Variants in FAM13A observed in about 807,000 individuals in gnomAD.
FAM13A encodes the protein protein FAM13A.
FAM13A carries 76 observed loss-of-function variants against 129.6 expected under a neutral mutation model. That is an observed-to-expected ratio of 0.59 (90% CI 0.49 to 0.71). FAM13A has a LOEUF of 0.71. Among genes scored for constraint, FAM13A ranks in the 30% least tolerant of loss-of-function variants. The pLI is 0.00. For synonymous variants in FAM13A, 443 were observed against 449.9 expected (o/e 0.98, Z 0.20); for missense variants, 1,108 against 1,249.3 (o/e 0.89, Z 1.70).
At chr4:88,901,234 C>T (rs762289814) in intron 6 of FAM13A, among the ~76,000 whole-genome samples, 81 of 152,040 alleles carry the variant, frequency 5.3e-4, no homozygotes, top group Non-Finnish European at 8.8e-4. Context: ...GACAGATCAT[C>T]GAGACAGAAA....
intron 13 of FAM13A, among the ~76,000 whole-genome samples, chr4:88,763,304 CAT>C (rs1745149602): frequency 1.3e-5 from 2 of 152,118 alleles, no homozygotes; most frequent in African/African-American, 4.8e-5. Flanking sequence ...TTCATTCATT[CAT>C]TCATACATTT....
intron 22 of FAM13A, 175 bp from the exon 23 acceptor site, chr4:88,731,603 A>T (rs1737810113): frequency 1.8e-6 from 1 of 553,570 alleles, no homozygotes; most frequent in African/African-American, 1.9e-5. Flanking sequence ...AAAGCCAAAC[A>T]TGCTGGCAAC....
chr4:88,938,211 T>G lies in FAM13A; in HGVS notation c.636A>C (p.Glu212Asp). The change falls in exon 5 of 24, where the codon GAA becomes GAC. Residue 212 changes from glutamate to aspartate, a missense_variant. Physicochemically the swap from Glu to Asp is conservative, Grantham distance 45. Around this residue, in one of 3 missense-constraint regions of FAM13A, gnomAD observed 566 missense variants for 595.7 expected, o/e 0.95. Coordinates refer to ENST00000264344, the MANE Select transcript of FAM13A (RefSeq NM_014883.4). ...CCATTATCTTGTTGCACAGGTCCTG[T>G]TCCTTCATGCCTTCAAGCCCAGGTG... is the stretch of plus-strand genomic sequence containing the variant. ...HVPPGLEGMK[E>D]QDLCNKIMAK... The G allele has an allele frequency of 6.2e-7, 1 of 1,611,378 alleles. No individual in the cohort carries two copies. The highest frequency in any genetic ancestry group is 8.5e-7 in the Non-Finnish European group (1 of 1,178,904).
chr4:88,827,059 T>A (rs1733124181), intron 7 of FAM13A, among the ~76,000 whole-genome samples: 1 of 152,300 alleles, frequency 6.6e-6, no homozygotes, highest in South Asian at 2.1e-4. Context: ...AAATTACTTA[T>A]TCCTCCATCC....
chr4:88,806,763 AG>A (rs1728645032), intron 7 of FAM13A, among the ~76,000 whole-genome samples: 1 of 152,176 alleles, frequency 6.6e-6, no homozygotes, highest in African/African-American at 2.4e-5. Context: ...TTGAAGAGTA[AG>A]AGGGGACAAC....
intron 6 of FAM13A, among the ~76,000 whole-genome samples, chr4:88,895,214 T>A (rs1378475377): frequency 6.6e-6 from 1 of 152,114 alleles, no homozygotes; most frequent in Non-Finnish European, 1.5e-5. Flanking sequence ...AATAAGCATA[T>A]AAACTAGGTT....
At chr4:88,806,732 T>C (rs1578749301) in intron 7 of FAM13A, among the ~76,000 whole-genome samples, 1 of 152,068 alleles carries the variant, frequency 6.6e-6, no homozygotes, top group East Asian at 1.9e-4. Flanking sequence ...AGGGCAAAGC[T>C]TGTAGAATTA....
intron 6 of FAM13A, among the ~76,000 whole-genome samples, chr4:88,886,241 C>T (rs184203274): frequency 4.5e-4 from 68 of 152,298 alleles, no homozygotes; most frequent in South Asian, 6.2e-4. Flanking sequence ...GCACAATTTG[C>T]AATTGCAAAA....
intron 5 of FAM13A, among the ~76,000 whole-genome samples, chr4:88,918,724 G>A (rs1221750168): frequency 1.3e-5 from 2 of 152,172 alleles, no homozygotes; most frequent in Non-Finnish European, 2.9e-5. Context: ...TCATTATCAG[G>A]TCTTTCCTAA....
intron 6 of FAM13A, among the ~76,000 whole-genome samples, chr4:88,879,467 A>G (rs1743167123): frequency 6.6e-6 from 1 of 152,158 alleles, no homozygotes; most frequent in Admixed American, 6.5e-5. Context: ...TAGTCTCTCT[A>G]AGCCTGCTTT....
chr4:88,854,966 T>C (rs1029180877), intron 6 of FAM13A, among the ~76,000 whole-genome samples: 9 of 152,172 alleles, frequency 5.9e-5, no homozygotes, highest in South Asian at 2.1e-4. Flanking sequence ...AACCAACCCA[T>C]TTAATTCTCA....
At chr4:88,904,080 C>A (rs1453262767) in intron 6 of FAM13A, among the ~76,000 whole-genome samples, 1 of 152,092 alleles carries the variant, frequency 6.6e-6, no homozygotes, top group Non-Finnish European at 1.5e-5. Context: ...CCATCTCATG[C>A]CAGTCAGAAT....
intron 6 of FAM13A, among the ~76,000 whole-genome samples, chr4:88,886,305 G>T (rs897190270): frequency 6.6e-6 from 1 of 152,152 alleles, no homozygotes; most frequent in Non-Finnish European, 1.5e-5. Context: ...AGAAATTTTG[G>T]TGGCTGGGTG....
intron 1 of FAM13A, among the ~76,000 whole-genome samples, chr4:89,045,376 C>T (rs1007331473): frequency 1.3e-5 from 2 of 152,158 alleles, no homozygotes; most frequent in African/African-American, 4.8e-5. Flanking sequence ...GATTTCAGAG[C>T]TACAGAAAGC....
At chr4:88,848,219 C>T (rs1736999846) in intron 7 of FAM13A, among the ~76,000 whole-genome samples, 1 of 152,138 alleles carries the variant, frequency 6.6e-6, no homozygotes, top group African/African-American at 2.4e-5. Flanking sequence ...CAGAAGGTGT[C>T]CTGCCTAGCA....
chr4:88,830,229 T>G (rs938433135), intron 7 of FAM13A, among the ~76,000 whole-genome samples: 2 of 152,220 alleles, frequency 1.3e-5, no homozygotes, highest in African/African-American at 4.8e-5. Flanking sequence ...TTAAATTGTA[T>G]TCTTGATTGT....
intron 4 of FAM13A, among the ~76,000 whole-genome samples, chr4:88,968,311 C>T (rs1210177704): frequency 6.6e-6 from 1 of 152,172 alleles, no homozygotes; most frequent in East Asian, 1.9e-4. Context: ...TCTAAAGTTT[C>T]AACTTTGCAA....
At chr4:88,838,223 C>T (rs1447592514) in intron 7 of FAM13A, among the ~76,000 whole-genome samples, 1 of 152,084 alleles carries the variant, frequency 6.6e-6, no homozygotes, top group Non-Finnish European at 1.5e-5. Flanking sequence ...TAACAATATA[C>T]CAAAAGGGCT....
At chr4:88,872,694 T>C (rs1014772592) in intron 6 of FAM13A, among the ~76,000 whole-genome samples, 1 of 149,542 alleles carries the variant, frequency 6.7e-6, no homozygotes, top group African/African-American at 2.5e-5. Context: ...AATGGGAGAG[T>C]TTTAACAACC....
Sources: allele counts gnomAD v4.1 joint callset (sites outside exome capture counted in the v4.1 genomes callset), GRCh38; gene constraint gnomAD v4.1.1; regional missense constraint gnomAD v4.1.1; transcripts MANE v1.5; gene names NCBI Gene and HGNC (gene_info 2026-07-23, HGNC 2026-07-21).